ANKS1A: variants seen among roughly 807,000 people sequenced by gnomAD.
ANKS1A encodes ankyrin repeat and sterile alpha motif domain containing 1A, also known as ankyrin repeat and SAM domain-containing protein 1A.
A neutral mutation model predicts 120.3 loss-of-function variants in ANKS1A; 55 were observed. That is an observed-to-expected ratio of 0.46 (90% CI 0.37 to 0.57). The LOEUF is 0.57. Ranked by LOEUF, ANKS1A falls within the 20% of genes least tolerant of loss-of-function variation. ANKS1A has a pLI of 0.00. For synonymous variants in ANKS1A, 590 were observed against 604.7 expected (o/e 0.98, Z 0.36); for missense variants, 1,123 against 1,480.3 (o/e 0.76, Z 3.96).
At chr6:35,009,080 T>C (rs1773608540) in intron 10 of ANKS1A, among the ~76,000 whole-genome samples, 1 of 152,144 alleles carries the variant, frequency 6.6e-6, no homozygotes, top group Non-Finnish European at 1.5e-5. Flanking sequence ...TGCAGTGTTG[T>C]TGAGGCTTTT....
intron 1 of ANKS1A, among the ~76,000 whole-genome samples, chr6:34,954,434 GA>G (rs1017519000): frequency 6.6e-6 from 1 of 152,136 alleles, no homozygotes; most frequent in African/African-American, 2.4e-5. Context: ...AGAATAGCAA[GA>G]AGAGCAACAT....
rs1202903280 is a variant in ANKS1A, at chr6:34,982,085, C to T, written c.732+99C>T. The T allele has an allele frequency of 3.6e-6, 5 of 1,389,740 alleles. No individual in the cohort carries two copies. Among genetic ancestry groups the T allele is most frequent in the African/African-American group, 2.9e-5 (2 of 69,374 alleles). The allele number at this position is 1,389,740 out of a possible 1,614,324, so 86.1% of individuals were successfully genotyped here. Reference sequence around the variant, plus strand: ...GCTGGGCTGTGCTCTTTATTTAGCACGTTTCACATCATGTTTCAAATGCTT... The same window carrying T: ...GCTGGGCTGTGCTCTTTATTTAGCATGTTTCACATCATGTTTCAAATGCTT... On this transcript the variant is annotated intron_variant, in intron 4 of 23. Coordinates refer to ENST00000360359, the MANE Select transcript of ANKS1A (RefSeq NM_015245.3). The surrounding 1 kb of genome is among the most constrained non-coding windows in gnomAD (Gnocchi z 4.9).
At chr6:35,008,336 G>T (rs1226126192) in intron 10 of ANKS1A, among the ~76,000 whole-genome samples, 2 of 151,906 alleles carry the variant, frequency 1.3e-5, no homozygotes, top group Non-Finnish European at 2.9e-5. Flanking sequence ...TCCTGCCTTA[G>T]CCCCCTGAAT....
chr6:34,912,743 G>A (rs1202146526), intron 1 of ANKS1A, among the ~76,000 whole-genome samples: 1 of 150,642 alleles, frequency 6.6e-6, no homozygotes, highest in Non-Finnish European at 1.5e-5. Flanking sequence ...GTGGTTAGAT[G>A]GTCATTGAAA....
At chr6:35,078,908 G>T (rs1332015695) in intron 14 of ANKS1A, among the ~76,000 whole-genome samples, 1 of 152,240 alleles carries the variant, frequency 6.6e-6, no homozygotes, top group African/African-American at 2.4e-5. Context: ...TCATGAGGAG[G>T]TTCTGGGGGT....
At chr6:34,904,430 T>C (rs1767532113) in intron 1 of ANKS1A, among the ~76,000 whole-genome samples, 1 of 151,998 alleles carries the variant, frequency 6.6e-6, no homozygotes, top group South Asian at 2.1e-4. Flanking sequence ...TTGCCTTTCC[T>C]ATAATTAAAA....
At chr6:34,916,898 C>T (rs1276897119) in intron 1 of ANKS1A, among the ~76,000 whole-genome samples, 5 of 152,144 alleles carry the variant, frequency 3.3e-5, no homozygotes, top group African/African-American at 4.8e-5. Context: ...GAACAGACAC[C>T]GCTACTTGTT....
intron 1 of ANKS1A, among the ~76,000 whole-genome samples, chr6:34,918,988 A>C (rs968108698): frequency 6.6e-6 from 1 of 152,112 alleles, no homozygotes; most frequent in African/African-American, 2.4e-5. Flanking sequence ...AGTAGCTGGG[A>C]TTACAGGCGC....
chr6:34,967,560 C>T lies in ANKS1A; in HGVS notation c.278+241C>T, dbSNP rs1051539315. On this transcript the variant is annotated intron_variant, in intron 2 of 23. Coordinates refer to ENST00000360359, the MANE Select transcript of ANKS1A (RefSeq NM_015245.3). ...AAAAAAATTTTTTTAATTAATCAGG[C>T]GTGGTAGCATGCCTGAAGTCCTAGC... Among the ~76,000 whole-genome samples the T allele has an allele frequency of 7.9e-5, 12 of 151,234 alleles. No homozygotes were observed. Among genetic ancestry groups the T allele is most frequent in the East Asian group, 1.9e-4 (1 of 5,148 alleles).
At chr6:34,906,491 C>T (rs1767654086) in intron 1 of ANKS1A, among the ~76,000 whole-genome samples, 1 of 152,226 alleles carries the variant, frequency 6.6e-6, no homozygotes, top group Admixed American at 6.5e-5. Flanking sequence ...CAAAACTTGA[C>T]AACTCCCTTA....
chr6:35,050,510 ATTT>A lies in ANKS1A; in HGVS notation c.2011-3582_2011-3580del, dbSNP rs1002952350. On this transcript the variant is annotated intron_variant, in intron 11 of 23. Coordinates refer to ENST00000360359, the MANE Select transcript of ANKS1A (RefSeq NM_015245.3). This position sits in a 1 kb window ranked among gnomAD's most constrained non-coding sequence, Gnocchi z 4.3. The stretch of plus-strand genomic sequence containing the variant: ...ATTTCTGGGAAAGCTGCCTGTTCAG[ATTT>A]TTTTTTAACTTAAAGCTAGGAGGTT... Among the ~76,000 whole-genome samples, 1 of 151,744 alleles carries A rather than the reference ATTT, an allele frequency of 6.6e-6. No homozygotes were observed. The highest frequency in any genetic ancestry group is 2.1e-4 in the South Asian group (1 of 4,788).
At chr6:35,010,674 A>T (rs777214103) in intron 10 of ANKS1A, among the ~76,000 whole-genome samples, 2 of 152,236 alleles carry the variant, frequency 1.3e-5, no homozygotes, top group African/African-American at 2.4e-5. Flanking sequence ...ATCTAGAAAG[A>T]GCTAGAAGGA....
At chr6:35,006,282 C>G (rs990820144) in intron 10 of ANKS1A, among the ~76,000 whole-genome samples, 1 of 151,442 alleles carries the variant, frequency 6.6e-6, no homozygotes, top group South Asian at 2.1e-4. Context: ...TCGCTTGAAC[C>G]CAGGAGGCGC....
intron 1 of ANKS1A, among the ~76,000 whole-genome samples, chr6:34,926,447 A>C (rs911144199): frequency 6.6e-6 from 1 of 152,204 alleles, no homozygotes; most frequent in Non-Finnish European, 1.5e-5. Flanking sequence ...TAGAGTTCCC[A>C]AAATGGAAAC....
rs1383779537 is a variant in ANKS1A, at chr6:35,044,224, TACTG to T, written c.2011-9873_2011-9870del. On this transcript the variant is annotated intron_variant, in intron 11 of 23. Transcript: ENST00000360359. The surrounding 1 kb of genome is among the most constrained non-coding windows in gnomAD (Gnocchi z 4.4). ...GACATAGCCGTCCGCTGGCATCACT[TACTG>T]AGGGACAGGGTGGCATGCAGTTAGC... 6.6e-6 allele frequency among the ~76,000 whole-genome samples: 1 copy of T among 152,188 alleles called. No individual in the cohort carries two copies. The highest frequency in any genetic ancestry group is 2.4e-5 in the African/African-American group (1 of 41,444).
chr6:34,967,621 C>T (rs1770967617), intron 2 of ANKS1A, among the ~76,000 whole-genome samples: 1 of 151,878 alleles, frequency 6.6e-6, no homozygotes, highest in Admixed American at 6.6e-5. Context: ...TTGCTTAAGC[C>T]CAGGAGTTTG....
chr6:34,995,163 T>C (rs1161659460), intron 10 of ANKS1A, among the ~76,000 whole-genome samples: 2 of 152,340 alleles, frequency 1.3e-5, no homozygotes, highest in South Asian at 2.1e-4. Context: ...GCGTACCTTC[T>C]TTCAACCCTA....
intron 11 of ANKS1A, among the ~76,000 whole-genome samples, chr6:35,037,969 G>GAGA (rs1042069799): frequency 2.3e-4 from 35 of 152,244 alleles, no homozygotes; most frequent in African/African-American, 8.4e-4. Flanking sequence ...CTGGGCCAGG[G>GAGA]AGAGGGCACG....
At chr6:35,041,689 T>C (rs1775465727) in intron 11 of ANKS1A, among the ~76,000 whole-genome samples, 1 of 152,168 alleles carries the variant, frequency 6.6e-6, no homozygotes, top group African/African-American at 2.4e-5. Context: ...TTGCTGCCCA[T>C]ATAGGCAATG....
Sources: gnomAD v4.1 joint callset for allele counts (sites outside exome capture counted in the v4.1 genomes callset) on GRCh38, gnomAD v4.1.1 for gene constraint, Gnocchi (gnomAD v3.1) non-coding constraint, MANE v1.5 for transcripts, NCBI Gene and HGNC (gene_info 2026-07-23, HGNC 2026-07-21) for gene names.